ITGA4: variants seen among roughly 807,000 people sequenced by gnomAD.
ITGA4 encodes the protein integrin subunit alpha 4, also known as integrin alpha-4.
In ITGA4, 63 loss-of-function variants were observed where a neutral mutation model predicts 133.6. The ratio of observed to expected loss-of-function variants is 0.47; its 90% CI spans 0.38 to 0.58. ITGA4 has a LOEUF of 0.58. Ranked by LOEUF, ITGA4 falls within the 20% of genes least tolerant of loss-of-function variation. The pLI, the probability that ITGA4 is intolerant of heterozygous loss-of-function variation, is 0.00. For synonymous variants in ITGA4, 483 were observed against 438.0 expected, an observed-to-expected ratio of 1.10 and a Z score of -1.28; for missense variants, 1,076 against 1,252.7, an observed-to-expected ratio of 0.86 and a Z score of 2.13.
chr2:181,471,149 ACTTT>A (rs1477615748), intron 2 of ITGA4, among the ~76,000 whole-genome samples: 1 of 152,176 alleles, frequency 6.6e-6, no homozygotes, highest in Non-Finnish European at 1.5e-5. Context: ...ATTTCCATGA[ACTTT>A]CTTTCTGGCT....
At chr2:181,496,980 G>A (rs941343643) in intron 14 of ITGA4, among the ~76,000 whole-genome samples, 1 of 152,170 alleles carries the variant, frequency 6.6e-6, no homozygotes, top group African/African-American at 2.4e-5. Flanking sequence ...TACACAATGA[G>A]CCTGGCATCT....
chr2:181,493,789 G>T (rs1393166345), intron 11 of ITGA4, among the ~76,000 whole-genome samples: 1 of 152,120 alleles, frequency 6.6e-6, no homozygotes, highest in Non-Finnish European at 1.5e-5. Flanking sequence ...TGTGAAGATT[G>T]CACAGGGAGA....
In ITGA4 at chr2:181,538,127, C is replaced by CACATTTCTTTATATTAAAATTCTA. The variant is rs1687276065; in HGVS notation, c.*2601_*2624dup. On this transcript the variant is annotated 3_prime_UTR_variant, in exon 28 of 28. Coordinates refer to ENST00000397033, the MANE Select transcript of ITGA4 (RefSeq NM_000885.6). ...GGGGACCACAGGTTTAAAGCATGGC[C>CACATTTCTTTATATTAAAATTCTA]ACATTTCTTTATATTAAAATTCTAG... 2 of 1,204,648 alleles carry CACATTTCTTTATATTAAAATTCTA rather than the reference C, an allele frequency of 1.7e-6. No individual in the cohort carries two copies. Among genetic ancestry groups the CACATTTCTTTATATTAAAATTCTA allele is most frequent in the Non-Finnish European group, 2.5e-6 (2 of 814,744 alleles). The allele number at this position is 1,204,648 out of a possible 1,614,324, so 74.6% of individuals were successfully genotyped here.
At chr2:181,462,350 C>T (rs1056090626) in intron 2 of ITGA4, among the ~76,000 whole-genome samples, 2 of 152,126 alleles carry the variant, frequency 1.3e-5, no homozygotes, top group Non-Finnish European at 2.9e-5. Flanking sequence ...CTTAGCCAGC[C>T]TCCTGGTTCA....
chr2:181,480,084 T>G, intron 5 of ITGA4, 53 bp from the exon 6 acceptor site: 2 of 1,335,106 alleles, frequency 1.5e-6, no homozygotes, highest in Non-Finnish European at 2.0e-6. Context: ...CTGGAGGAGG[T>G]TTGGGGTGGT....
At position 181,536,238 on chromosome 2, in the gene ITGA4, T is replaced by C. The variant is rs199523281; in HGVS notation, c.*711T>C. ...TTCACCATCTTTCTTTCTGTATATA[T>C]ACATGTGTTTTTATGTAGGTATATA... On this transcript the variant is annotated 3_prime_UTR_variant, in exon 28 of 28. Coordinates refer to ENST00000397033, the MANE Select transcript of ITGA4 (RefSeq NM_000885.6). 1.3e-5 allele frequency: 2 copies of C among 152,092 alleles called. No individual in the cohort carries two copies. Among genetic ancestry groups the C allele is most frequent in the African/African-American group, 4.8e-5 (2 of 41,436 alleles). 9.4% of individuals were successfully genotyped at this position (152,092 alleles called of 1,614,324 possible). A position where few individuals can be genotyped will look rare whatever the true frequency, so the allele number is the denominator to read the frequency against.
chr2:181,503,260 G>A (rs1029324138), intron 15 of ITGA4, among the ~76,000 whole-genome samples: 2 of 152,068 alleles, frequency 1.3e-5, no homozygotes, highest in African/African-American at 4.8e-5. Context: ...GAATTCGGCT[G>A]TCAAAAAGAC....
chr2:181,526,821 CTTTTTTTTTTTTTTTTTTTT>C (rs538208494), intron 21 of ITGA4, among the ~76,000 whole-genome samples: 1 of 40,994 alleles, frequency 2.4e-5, no homozygotes, highest in Non-Finnish European at 5.5e-5. Flanking sequence ...AGCACATGGC[CTTTTTTTTTTTTTTTTTTTT>C]TTTTTTTTTT....
chr2:181,500,936 G>T (rs1399558237), intron 15 of ITGA4, among the ~76,000 whole-genome samples: 1 of 152,096 alleles, frequency 6.6e-6, no homozygotes, highest in Non-Finnish European at 1.5e-5. Context: ...AAAGGAAAAA[G>T]GAGGGCAGAG....
At chr2:181,530,868 C>T (rs1686931093) in intron 24 of ITGA4, among the ~76,000 whole-genome samples, 1 of 152,134 alleles carries the variant, frequency 6.6e-6, no homozygotes, top group Admixed American at 6.5e-5. Flanking sequence ...ATGGCTCACG[C>T]CTGTAATCCC....
chr2:181,525,423 C>T (rs1423546042), intron 21 of ITGA4, 132 bp downstream of exon 21: 1 of 565,456 alleles, frequency 1.8e-6, no homozygotes, highest in African/African-American at 1.9e-5. Context: ...TAATAATTAC[C>T]TCATTGTTAT....
rs1035940628 is a variant in ITGA4 at position 181,516,074 on chromosome 2, A to G, written c.1922+4299A>G. On this transcript the variant is annotated intron_variant, in intron 17 of 27. Transcript: ENST00000397033. This position sits in a 1 kb window ranked among gnomAD's most constrained non-coding sequence, Gnocchi z 4.0. ...GGACAATAAACTGCATTTATAAAGG[A>G]CTTGCAGTGCAAAATAAAGATGAAC... Among the ~76,000 whole-genome samples, 5 of 152,068 alleles carry G rather than the reference A, an allele frequency of 3.3e-5. No homozygotes were observed. The East Asian group carries it at 7.7e-4, about 23-fold the overall frequency.
rs1686143236 is a variant in ITGA4, at chr2:181,495,700, G to A, written c.1386-83G>A. On this transcript the variant is annotated intron_variant, in intron 13 of 27. Transcript: ENST00000397033. This position sits in a 1 kb window ranked among gnomAD's most constrained non-coding sequence, Gnocchi z 4.3. ...AGACTCATGAAATTACTTGGTGAAT[G>A]TAAACTGAAAAAACAAACGCATTTC... is the stretch of plus-strand genomic sequence containing the variant. 4.0e-6 allele frequency: 5 copies of A among 1,239,536 alleles called. No homozygotes were observed. The East Asian group carries it at 1.2e-4, about 29-fold the overall frequency. 76.8% of individuals were successfully genotyped at this position (1,239,536 alleles called of 1,614,324 possible). A position where few individuals can be genotyped will look rare whatever the true frequency, so the allele number is the denominator to read the frequency against.
rs948362349 is a variant in ITGA4, at chr2:181,478,915, A to C, written c.624+91A>C. The C allele has an allele frequency of 1.1e-5, 7 of 612,024 alleles. No individual in the cohort carries two copies. The African/African-American group carries it at 1.1e-4, about 10-fold the overall frequency. The allele number at this position is 612,024 out of a possible 1,614,324, so 37.9% of individuals were successfully genotyped here. On this transcript the variant is annotated intron_variant, in intron 5 of 27. Coordinates refer to ENST00000397033, the MANE Select transcript of ITGA4 (RefSeq NM_000885.6). ...GGAAGACTGATATGTTTTAAAGTAAAAATTGTGTAACATCTTCATCATGTC... is the reference window on the plus strand; with the variant it reads ...GGAAGACTGATATGTTTTAAAGTAACAATTGTGTAACATCTTCATCATGTC...
intron 10 of ITGA4, among the ~76,000 whole-genome samples, chr2:181,492,186 G>C (rs1169427455): frequency 6.6e-6 from 1 of 152,124 alleles, no homozygotes. Context: ...TAAATGAGTG[G>C]GCATATTTGT....
At chr2:181,499,231 G>A (rs371409542) in intron 15 of ITGA4, among the ~76,000 whole-genome samples, 68 of 152,198 alleles carry the variant, frequency 4.5e-4, no homozygotes, top group African/African-American at 1.5e-3. Context: ...CTTTGTTTCC[G>A]TGCCAGCTTT....
rs779501949 is a variant in ITGA4 at position 181,458,332 on chromosome 2, G to A, written c.319+15G>A. The A allele has an allele frequency of 1.2e-6, 2 of 1,607,946 alleles. No individual in the cohort carries two copies. The highest frequency in any genetic ancestry group is 1.7e-6 in the Non-Finnish European group (2 of 1,177,076). On this transcript the variant is annotated intron_variant, in intron 2 of 27. Transcript: ENST00000397033. ...GCTCCAGCTGGGTGAGTTGGGTATG[G>A]GACCAGGAGTTAGTGACCTCCCGAC...
intron 2 of ITGA4, among the ~76,000 whole-genome samples, chr2:181,466,714 T>C (rs1685424919): frequency 6.6e-6 from 1 of 152,162 alleles, no homozygotes. Context: ...ATTATATGAA[T>C]TAGTATTAAT....
intron 16 of ITGA4, among the ~76,000 whole-genome samples, chr2:181,510,751 T>TA (rs1405522672): frequency 6.6e-6 from 1 of 152,100 alleles, no homozygotes; most frequent in African/African-American, 2.4e-5. Flanking sequence ...GGGTTGTTTT[T>TA]ACTCTTCTTT....
Sources: gnomAD v4.1 joint callset for allele counts (sites outside exome capture counted in the v4.1 genomes callset) on GRCh38, gnomAD v4.1.1 for gene constraint, Gnocchi (gnomAD v3.1) non-coding constraint, MANE v1.5 for transcripts, NCBI Gene and HGNC (gene_info 2026-07-23, HGNC 2026-07-21) for gene names.